VGLL1: variants seen among roughly 807,000 people sequenced by gnomAD.
The protein encoded by VGLL1 is transcription cofactor vestigial-like protein 1.
VGLL1 carries 4 observed loss-of-function variants against 12.0 expected under a neutral mutation model. The observed-to-expected ratio is 0.33, with a 90% CI of 0.16 to 0.76. VGLL1 has a LOEUF of 0.76. VGLL1 is among the 30% of genes least tolerant of loss of function. The pLI, the probability that VGLL1 is intolerant of heterozygous loss-of-function variation, is 0.60. For synonymous variants in VGLL1, 87 were observed against 81.2 expected (o/e 1.07, Z -0.39); for missense variants, 204 against 208.7 (o/e 0.98, Z 0.14).
chrX:136,547,776 A>G (rs985143976), intron 2 of VGLL1, among the ~76,000 whole-genome samples: 1 of 112,096 alleles, frequency 8.9e-6, no homozygotes, highest in Admixed American at 9.4e-5. Context: ...ATTTACTTCC[A>G]GAAAAGCATC....
intron 2 of VGLL1, among the ~76,000 whole-genome samples, chrX:136,540,500 T>C (rs1163743696): frequency 9.0e-6 from 1 of 111,489 alleles, no homozygotes; most frequent in Non-Finnish European, 1.9e-5. Context: ...CTTCAAACAG[T>C]CCTTGTCTGA....
chrX:136,548,765 T>C lies in VGLL1; in HGVS notation c.391T>C (p.Trp131Arg), dbSNP rs1400313214. 8 of 1,210,612 alleles carry C rather than the reference T, an allele frequency of 6.6e-6. No individual in the cohort carries two copies. Among genetic ancestry groups the C allele is most frequent in the Non-Finnish European group, 8.9e-6 (8 of 895,385 alleles). The change falls in exon 3 of 5, where the codon TGG (tryptophan) becomes CGG (arginine). Residue 131 changes from tryptophan to arginine, a missense_variant. By Grantham distance (101) the Trp-to-Arg change is moderately radical. Transcript: ENST00000370634. ...GGCCTCTGTTCGGCCTGGGGAGCTG[T>C]GGCATTTCTCCTCCCTGGCGGGCAC... ...RRASVRPGEL[W>R]HFSSLAGTSS...
chrX:136,555,737 G>A (rs2075899299), intron 4 of VGLL1, among the ~76,000 whole-genome samples: 2 of 112,260 alleles, frequency 1.8e-5, no homozygotes, highest in Admixed American at 9.4e-5. Context: ...GAGCAAGACA[G>A]CAAGAGTGTG....
chrX:136,550,601 T>C (rs778010911), intron 3 of VGLL1, 167 bp from the exon 4 acceptor site: 3 of 415,579 alleles, frequency 7.2e-6, no homozygotes, highest in Non-Finnish European at 1.2e-5. Flanking sequence ...GTGGTGGACC[T>C]TTAAAACAGA....
chrX:136,553,561 C>G (rs960071299), intron 4 of VGLL1, among the ~76,000 whole-genome samples: 4 of 112,019 alleles, frequency 3.6e-5, no homozygotes, highest in African/African-American at 1.3e-4. Flanking sequence ...ATCAGCCCGC[C>G]TTGGCCTCCC....
At chrX:136,540,441 C>T (rs888694558) in intron 2 of VGLL1, among the ~76,000 whole-genome samples, 2 of 111,421 alleles carry the variant, frequency 1.8e-5, no homozygotes, top group Non-Finnish European at 3.8e-5. Context: ...CCCCAGATAC[C>T]TGCATGGCGT....
At chrX:136,541,240 C>T (rs1045747661) in intron 2 of VGLL1, among the ~76,000 whole-genome samples, 2 of 112,258 alleles carry the variant, frequency 1.8e-5, no homozygotes, top group East Asian at 5.6e-4. Flanking sequence ...GGGCATGGCC[C>T]TGTTCCTTGC....
chrX:136,536,931 CATAAATTAGAATCTTGCTGA>C (rs1054259317), intron 2 of VGLL1, among the ~76,000 whole-genome samples: 25 of 112,051 alleles, frequency 2.2e-4, no homozygotes, highest in African/African-American at 8.2e-4. Flanking sequence ...AAGACTAAAA[CATAAATTAGAATCTTGCTGA>C]ATAAGCCATT....
At chrX:136,554,785 A>C (rs2075896791) in intron 4 of VGLL1, among the ~76,000 whole-genome samples, 1 of 112,455 alleles carries the variant, frequency 8.9e-6, no homozygotes, top group Non-Finnish European at 1.9e-5. Flanking sequence ...GTTATCTCCT[A>C]GGTTTCATGT....
chrX:136,549,046 T>C (rs749251245), intron 3 of VGLL1, 38 bp downstream of exon 3: 1 of 1,165,822 alleles, frequency 8.6e-7, no homozygotes, highest in Non-Finnish European at 1.2e-6. Flanking sequence ...GGGGTGCCTC[T>C]GATTGGTTGT....
Position 136,548,758 on chromosome X carries a change from G to A in VGLL1, c.384G>A (p.Gly128=). The A allele has an allele frequency of 8.3e-7, 1 of 1,212,118 alleles. No individual in the cohort carries two copies. The part of the protein sequence containing the change: ...SLARRASVRP[G]ELWHFSSLAG... ...CTAGGAGGGCCTCTGTTCGGCCTGGGGAGCTGTGGCATTTCTCCTCCCTGG... is the reference window on the plus strand; with the variant it reads ...CTAGGAGGGCCTCTGTTCGGCCTGGAGAGCTGTGGCATTTCTCCTCCCTGG... The change falls in exon 3 of 5, where the codon GGG becomes GGA. Residue 128 remains glycine, a synonymous_variant. Coordinates refer to ENST00000370634, the MANE Select transcript of VGLL1 (RefSeq NM_016267.4).
intron 1 of VGLL1, among the ~76,000 whole-genome samples, chrX:136,533,627 C>T (rs1362987122): frequency 8.9e-6 from 1 of 111,935 alleles, no homozygotes; most frequent in East Asian, 2.8e-4. Context: ...CTTCCAGCAG[C>T]AGACAGAGGC....
intron 2 of VGLL1, among the ~76,000 whole-genome samples, chrX:136,543,068 G>C (rs1839894324): frequency 9.0e-6 from 1 of 111,556 alleles, no homozygotes; most frequent in African/African-American, 3.3e-5. Flanking sequence ...TATAGTATTT[G>C]CCGGCAGATG....
chrX:136,541,743 T>C (rs2075856650), intron 2 of VGLL1, among the ~76,000 whole-genome samples: 1 of 112,308 alleles, frequency 8.9e-6, no homozygotes, highest in South Asian at 3.7e-4. Flanking sequence ...AAGGGCTCTC[T>C]GTTGAGCCAA....
chrX:136,548,827 C>T lies in VGLL1; in HGVS notation c.453C>T (p.Pro151=), dbSNP rs201330713. The change falls in exon 3 of 5, where the codon CCC becomes CCT. Residue 151 remains proline, a synonymous_variant. Coordinates refer to ENST00000370634, the MANE Select transcript of VGLL1 (RefSeq NM_016267.4). ...SLEPGYSHPF[P]ARHLVPEPQP... ...AGCCTGGCTACTCTCATCCCTTCCC[C>T]GCTCGGCACCTGGTTCCAGAGCCCC... 373 of 1,210,693 alleles carry T rather than the reference C, an allele frequency of 3.1e-4. No individual in the cohort carries two copies. Among genetic ancestry groups the T allele is most frequent in the Non-Finnish European group, 4.0e-4 (357 of 895,422 alleles).
intron 2 of VGLL1, among the ~76,000 whole-genome samples, chrX:136,543,132 G>A (rs779344203): frequency 1.8e-5 from 2 of 111,772 alleles, no homozygotes; most frequent in South Asian, 3.8e-4. Context: ...CTCATATTCT[G>A]TGTTTGATCT....
At chrX:136,547,973 C>G (rs1235683152) in intron 2 of VGLL1, among the ~76,000 whole-genome samples, 1 of 111,353 alleles carries the variant, frequency 9.0e-6, no homozygotes, top group Non-Finnish European at 1.9e-5. Flanking sequence ...GGCTCTCCCC[C>G]TTCCCTTCCT....
intron 4 of VGLL1, among the ~76,000 whole-genome samples, chrX:136,551,337 A>C (rs1433800743): frequency 9.0e-6 from 1 of 111,688 alleles, no homozygotes; most frequent in Non-Finnish European, 1.9e-5. Context: ...CCAGATGTTC[A>C]GTTTTCAGCC....
intron 2 of VGLL1, among the ~76,000 whole-genome samples, chrX:136,543,027 GC>G (rs1351544849): frequency 2.7e-5 from 3 of 111,888 alleles, no homozygotes; most frequent in African/African-American, 9.8e-5. Flanking sequence ...CAAGTGACTT[GC>G]CCAAGATCTC....
Sources: gnomAD v4.1 joint callset for allele counts (sites outside exome capture counted in the v4.1 genomes callset) on GRCh38, gnomAD v4.1.1 for gene constraint, MANE v1.5 for transcripts, NCBI Gene and HGNC (gene_info 2026-07-23, HGNC 2026-07-21) for gene names.